Variants in CDK6 observed in about 807,000 individuals in gnomAD.
CDK6 encodes the protein cyclin-dependent kinase 6.
Under a neutral mutation model 37.1 loss-of-function variants are expected in CDK6, and 6 were observed. That is an observed-to-expected ratio of 0.16 (90% CI 0.09 to 0.32). The LOEUF (loss-of-function observed/expected upper bound fraction) is 0.32, where lower values mean the gene tolerates loss of function less well. Among genes scored for constraint, CDK6 ranks in the 10% least tolerant of loss-of-function variants. CDK6 has a pLI of 1.00. For missense variants in CDK6, 224 were observed against 418.9 expected, an observed-to-expected ratio of 0.53 and a Z score of 4.06; for synonymous variants, 160 against 161.3, an observed-to-expected ratio of 0.99 and a Z score of 0.06.
intron 5 of CDK6, among the ~76,000 whole-genome samples, chr7:92,631,964 TAG>T (rs1232983371): frequency 1.3e-5 from 2 of 152,298 alleles, no homozygotes; most frequent in East Asian, 3.9e-4. Context: ...GTCTGTCTAA[TAG>T]AGACATTTCA....
At chr7:92,715,518 A>G (rs969514346) in intron 4 of CDK6, among the ~76,000 whole-genome samples, 1 of 152,238 alleles carries the variant, frequency 6.6e-6, no homozygotes, top group South Asian at 2.1e-4. Context: ...TTTAAAAATC[A>G]TCAGTATCCT....
chr7:92,777,316 TC>T (rs1799876165), intron 2 of CDK6, among the ~76,000 whole-genome samples: 1 of 152,182 alleles, frequency 6.6e-6, no homozygotes, highest in African/African-American at 2.4e-5. Context: ...CACCACAACC[TC>T]CGCCTCCCAG....
At chr7:92,644,986 C>T (rs1390317267) in intron 5 of CDK6, among the ~76,000 whole-genome samples, 1 of 152,204 alleles carries the variant, frequency 6.6e-6, no homozygotes, top group East Asian at 1.9e-4. Flanking sequence ...TACAGCTTGG[C>T]CACCTGTCTG....
At chr7:92,824,103 C>T (rs1584123214) in intron 2 of CDK6, among the ~76,000 whole-genome samples, 2 of 147,602 alleles carry the variant, frequency 1.4e-5, no homozygotes. Flanking sequence ...ACACCTACCA[C>T]AGAAATTATG....
At chr7:92,804,499 TC>T (rs1800670898) in intron 2 of CDK6, among the ~76,000 whole-genome samples, 1 of 152,222 alleles carries the variant, frequency 6.6e-6, no homozygotes, top group Non-Finnish European at 1.5e-5. Context: ...GAAAAGACTA[TC>T]CTTACTCTTG....
chr7:92,800,040 C>T (rs1800529270), intron 2 of CDK6, among the ~76,000 whole-genome samples: 1 of 152,202 alleles, frequency 6.6e-6, no homozygotes, highest in South Asian at 2.1e-4. Context: ...GTTGACCCTA[C>T]AGCTCTGTTC....
intron 4 of CDK6, among the ~76,000 whole-genome samples, chr7:92,672,958 G>A (rs960489262): frequency 1.3e-5 from 2 of 152,164 alleles, no homozygotes; most frequent in African/African-American, 4.8e-5. Context: ...CATTGAATCT[G>A]AGTTGGCCTT....
chr7:92,806,810 G>A (rs1458180081), intron 2 of CDK6, among the ~76,000 whole-genome samples: 4 of 152,064 alleles, frequency 2.6e-5, no homozygotes, highest in East Asian at 1.9e-4. Flanking sequence ...CTTTACCTGC[G>A]CTTCACTGCA....
chr7:92,611,081 C>A lies in CDK6; in HGVS notation c.*4059G>T. On this transcript the variant is annotated 3_prime_UTR_variant, in exon 8 of 8. Coordinates refer to ENST00000424848, the MANE Select transcript of CDK6 (RefSeq NM_001145306.2). Reference sequence around the variant, plus strand: ...TATATTTGTTCATAAAGAATATATCCTTCAAAATATATATAGCTTTGAAAC... The same window carrying A: ...TATATTTGTTCATAAAGAATATATCATTCAAAATATATATAGCTTTGAAAC... 1 of 226,054 alleles carries A rather than the reference C, an allele frequency of 4.4e-6. No homozygotes were observed. The highest frequency in any genetic ancestry group is 2.2e-5 in the African/African-American group (1 of 45,020). The allele number at this position is 226,054 out of a possible 1,614,324, so 14.0% of individuals were successfully genotyped here. A position where few individuals can be genotyped will look rare whatever the true frequency, so the allele number is the denominator to read the frequency against.
chr7:92,647,697 T>C (rs1270053018), intron 5 of CDK6, among the ~76,000 whole-genome samples: 1 of 152,194 alleles, frequency 6.6e-6, no homozygotes, highest in African/African-American at 2.4e-5. Context: ...AGTTCTATAG[T>C]AAGAAATAAA....
At chr7:92,692,421 T>A (rs1456677483) in intron 4 of CDK6, among the ~76,000 whole-genome samples, 3 of 152,206 alleles carry the variant, frequency 2.0e-5, no homozygotes, top group Non-Finnish European at 4.4e-5. Flanking sequence ...GATAAGTCCA[T>A]ATACACCAAT....
intron 2 of CDK6, among the ~76,000 whole-genome samples, chr7:92,783,260 G>A (rs1800041151): frequency 6.6e-6 from 1 of 152,170 alleles, no homozygotes; most frequent in South Asian, 2.1e-4. Flanking sequence ...ATAATACAAA[G>A]ATACAGGGTT....
chr7:92,810,358 A>G (rs1800843885), intron 2 of CDK6, among the ~76,000 whole-genome samples: 1 of 152,206 alleles, frequency 6.6e-6, no homozygotes, highest in Non-Finnish European at 1.5e-5. Context: ...GAAAAACTAT[A>G]TAATAGGGGA....
At chr7:92,688,929 G>A (rs1393219568) in intron 4 of CDK6, among the ~76,000 whole-genome samples, 1 of 152,150 alleles carries the variant, frequency 6.6e-6, no homozygotes, top group African/African-American at 2.4e-5. Context: ...ATTTAAAAAT[G>A]GGGAACCACA....
At chr7:92,754,014 T>C (rs1013700096) in intron 3 of CDK6, among the ~76,000 whole-genome samples, 5 of 152,176 alleles carry the variant, frequency 3.3e-5, no homozygotes, top group Admixed American at 2.6e-4. Context: ...CTAGATAATG[T>C]CATAGGATGG....
chr7:92,632,108 T>C (rs1220595071), intron 5 of CDK6, among the ~76,000 whole-genome samples: 1 of 152,116 alleles, frequency 6.6e-6, no homozygotes, highest in Non-Finnish European at 1.5e-5. Flanking sequence ...ATGGGCTCTG[T>C]TGTGGGTGTG....
At position 92,835,730 on chromosome 7, in the gene CDK6, G is replaced by A. The variant is rs1457770383; in HGVS notation, c.-368+748C>T. On this transcript the variant is annotated intron_variant, in intron 1 of 7. Coordinates refer to ENST00000424848, the MANE Select transcript of CDK6 (RefSeq NM_001145306.2). The surrounding 1 kb of genome is among the most constrained non-coding windows in gnomAD (Gnocchi z 4.2). ...GCGACAAGAGGCCACACCGGGGACCGCGACTCCCGCGTGTGCGCACACGCA... is the reference window on the plus strand; with the variant it reads ...GCGACAAGAGGCCACACCGGGGACCACGACTCCCGCGTGTGCGCACACGCA... 6.6e-6 allele frequency among the ~76,000 whole-genome samples: 1 copy of A among 152,214 alleles called. No homozygotes were observed. Among genetic ancestry groups the A allele is most frequent in the African/African-American group, 2.4e-5 (1 of 41,456 alleles).
chr7:92,780,435 G>C (rs1188778459), intron 2 of CDK6, among the ~76,000 whole-genome samples: 1 of 152,040 alleles, frequency 6.6e-6, no homozygotes, highest in African/African-American at 2.4e-5. Context: ...CAAAACAAAA[G>C]AGCCAGACAG....
At chr7:92,792,421 A>G (rs1294170652) in intron 2 of CDK6, among the ~76,000 whole-genome samples, 1 of 152,188 alleles carries the variant, frequency 6.6e-6, no homozygotes, top group Non-Finnish European at 1.5e-5. Context: ...TTCTTGTAAC[A>G]TTGGCTCATT....
Sources: gnomAD v4.1 joint callset for allele counts (sites outside exome capture counted in the v4.1 genomes callset) on GRCh38, gnomAD v4.1.1 for gene constraint, Gnocchi (gnomAD v3.1) non-coding constraint, MANE v1.5 for transcripts, NCBI Gene and HGNC (gene_info 2026-07-23, HGNC 2026-07-21) for gene names.